Variants in ZNF511 observed in about 807,000 individuals in gnomAD.
The protein encoded by ZNF511 is zinc finger protein 511.
A neutral mutation model predicts 24.8 loss-of-function variants in ZNF511; 26 were observed. The ratio of observed to expected loss-of-function variants is 1.05; its 90% CI spans 0.77 to 1.46. The LOEUF is 1.46. Among genes scored for constraint, ZNF511 ranks in the 40% most tolerant of loss-of-function variants. The pLI, the probability that ZNF511 is intolerant of heterozygous loss-of-function variation, is 0.00. For missense variants in ZNF511, 358 were observed against 345.0 expected (o/e 1.04, Z -0.30); for synonymous variants, 144 against 139.6 (o/e 1.03, Z -0.22).
intron 4 of ZNF511, among the ~76,000 whole-genome samples, chr10:133,311,288 G>A (rs894377097): frequency 6.6e-6 from 1 of 152,120 alleles, no homozygotes; most frequent in Non-Finnish European, 1.5e-5. Context: ...AAAGACTTAC[G>A]TGTAAAGTAA....
intron 2 of ZNF511, 53 bp downstream of exon 2, chr10:133,309,516 C>T: frequency 6.4e-7 from 1 of 1,560,730 alleles, no homozygotes; most frequent in Non-Finnish European, 8.7e-7. Context: ...GCCTCCCTGA[C>T]CGGTGCCTGG....
rs1847945313 is a variant in ZNF511, at chr10:133,309,776, G to A, written c.228G>A (p.Arg76=). The A allele has an allele frequency of 6.2e-7, 1 of 1,612,484 alleles. No homozygotes were observed. Among genetic ancestry groups the A allele is most frequent in the South Asian group, 1.1e-5 (1 of 91,046 alleles). The change falls in exon 3 of 6, where the codon AGG becomes AGA. Residue 76 remains arginine (R), a splice_region_variant and synonymous_variant. Coordinates refer to ENST00000361518, the MANE Select transcript of ZNF511 (RefSeq NM_145806.4). ...CTCCTGAAGCACGTCTCCTTGGCAGGGTGCCCGCGTTTGCCTGCCAGGTGG... is the reference window on the plus strand; with the variant it reads ...CTCCTGAAGCACGTCTCCTTGGCAGAGTGCCCGCGTTTGCCTGCCAGGTGG... ...MQVADVPEKP[R]VPAFACQVAG...
At position 133,311,702 on chromosome 10, in the gene ZNF511, C is replaced by G. The variant is rs191801908; in HGVS notation, c.555-14C>G. On this transcript the variant is annotated splice_polypyrimidine_tract_variant and intron_variant, in intron 4 of 5. Transcript: ENST00000361518. ...AGCCGTGCAGGGCAGTTACTCACTG[C>G]TCTCTCCCCGCAGCCCAGCCTCAGC... is the stretch of plus-strand genomic sequence containing the variant. The G allele has an allele frequency of 1.9e-6, 3 of 1,608,986 alleles. No individual in the cohort carries two copies. The South Asian group carries it at 3.3e-5, about 18-fold the overall frequency.
At chr10:133,311,285 T>C (rs1034033723) in intron 4 of ZNF511, among the ~76,000 whole-genome samples, 2 of 152,198 alleles carry the variant, frequency 1.3e-5, no homozygotes, top group Non-Finnish European at 2.9e-5. Flanking sequence ...TACAAAGACT[T>C]ACGTGTAAAG....
At chr10:133,311,619 C>A (rs1446423823) in intron 4 of ZNF511, 97 bp from the exon 5 acceptor site, 4 of 1,065,106 alleles carry the variant, frequency 3.8e-6, no homozygotes, top group African/African-American at 3.2e-5. Flanking sequence ...ATGCTACTTA[C>A]AGGGAAATCC....
Position 133,309,932 on chromosome 10 carries a change from G to C in ZNF511, c.384G>C (p.Glu128Asp). The C allele has an allele frequency of 6.2e-7, 1 of 1,613,552 alleles. No individual in the cohort carries two copies. The highest frequency in any genetic ancestry group is 8.5e-7 in the Non-Finnish European group (1 of 1,180,034). The change falls in exon 3 of 6, where the codon GAG becomes GAC. Residue 128 changes from glutamate (E) to aspartate (D), a missense_variant. By Grantham distance (45) the Glu-to-Asp change is conservative (BLOSUM62 2). Coordinates refer to ENST00000361518, the MANE Select transcript of ZNF511 (RefSeq NM_145806.4). ...ACCTGCTGGACGCCCACATCCTGGA[G>C]TGGCACGATTCGCTCTTCCAGATCC... ...SGHLLDAHIL[E>D]WHDSLFQILS...
intron 5 of ZNF511, chr10:133,312,206 C>T (rs1016480052): frequency 1.3e-5 from 18 of 1,398,870 alleles, no homozygotes; most frequent in South Asian, 4.7e-5. Context: ...GTGCCGTCTG[C>T]GTTTCTAGCG....
chr10:133,313,127 A>G lies in ZNF511; in HGVS notation c.*261A>G. On this transcript the variant is annotated 3_prime_UTR_variant, in exon 6 of 6. Transcript: ENST00000361518. ...CCTGCAGGGCCCACCCTAAGAATGT[A>G]TTTTTAAACACATGAAATAAGTATT... The G allele has an allele frequency of 1.4e-6, 1 of 710,876 alleles. No homozygotes were observed. The allele number at this position is 710,876 out of a possible 1,614,324, so 44.0% of individuals were successfully genotyped here. A position where few individuals can be genotyped will look rare whatever the true frequency, so the allele number is the denominator to read the frequency against.
At position 133,313,006 on chromosome 10, in the gene ZNF511, C is replaced by T; in HGVS notation, c.*140C>T. 2.0e-6 allele frequency: 3 copies of T among 1,498,524 alleles called. No homozygotes were observed. The highest frequency in any genetic ancestry group is 2.7e-6 in the Non-Finnish European group (3 of 1,128,870). The allele number at this position is 1,498,524 out of a possible 1,614,324, so 92.8% of individuals were successfully genotyped here. On this transcript the variant is annotated 3_prime_UTR_variant, in exon 6 of 6. Coordinates refer to ENST00000361518, the MANE Select transcript of ZNF511 (RefSeq NM_145806.4). ...CCCATCCTTGTTCCTCAGCAAATGG[C>T]ATTAGCAGCTGTCATCAGAAGCTGT...
At chr10:133,312,387 A>G (rs1230967527) in intron 5 of ZNF511, 1 of 1,156,966 alleles carries the variant, frequency 8.6e-7, no homozygotes, top group East Asian at 5.4e-5. Context: ...ATCACCAAAG[A>G]CTCCAAACAG....
rs1053075813 is a variant in ZNF511, at chr10:133,312,961, G to A, written c.*95G>A. On this transcript the variant is annotated 3_prime_UTR_variant, in exon 6 of 6. Transcript: ENST00000361518. ...ACCTTCTGGTGTGGCCGCCCTGGGG[G>A]CCAGGCCCTCGCCATCCTCCCCATC... is the stretch of plus-strand genomic sequence containing the variant. 14 of 1,590,908 alleles carry A rather than the reference G, an allele frequency of 8.8e-6. No homozygotes were observed. The highest frequency in any genetic ancestry group is 1.1e-5 in the South Asian group (1 of 89,554).
chr10:133,311,433 G>A (rs1197813258), intron 4 of ZNF511, among the ~76,000 whole-genome samples: 3 of 152,252 alleles, frequency 2.0e-5, no homozygotes, highest in South Asian at 4.1e-4. Context: ...AAAAAGACCC[G>A]TGGCACCGTT....
At position 133,308,949 on chromosome 10, in the gene ZNF511, GT is replaced by G; in HGVS notation, c.8del (p.Leu3CysfsTer21). MQ[L>X]PPALCARLAA... Reference sequence around the variant, plus strand: ...GCCCGCCCGCGCCCGGGGTGATGCAGTTGCCCCCCGCGCTGTGCGCCCGCCT... The same window carrying G: ...GCCCGCCCGCGCCCGGGGTGATGCAGTGCCCCCCGCGCTGTGCGCCCGCCT... On this transcript the variant is annotated frameshift_variant, in exon 1 of 6. Transcript: ENST00000361518. LOFTEE classifies it high-confidence loss of function. 1 of 1,232,930 alleles carries G rather than the reference GT, an allele frequency of 8.1e-7. No homozygotes were observed. Among genetic ancestry groups the G allele is most frequent in the Non-Finnish European group, 1.0e-6 (1 of 981,722 alleles). 76.4% of individuals were successfully genotyped at this position (1,232,930 alleles called of 1,614,324 possible).
chr10:133,309,939 G>C lies in ZNF511; in HGVS notation c.391G>C (p.Asp131His), dbSNP rs1340359788. The C allele has an allele frequency of 6.2e-7, 1 of 1,613,414 alleles. No homozygotes were observed. The highest frequency in any genetic ancestry group is 2.2e-5 in the East Asian group (1 of 44,888). The change falls in exon 3 of 6, where the codon GAT becomes CAT. Residue 131 changes from aspartate to histidine, a missense_variant. Transcript: ENST00000361518. ...GGACGCCCACATCCTGGAGTGGCACGATTCGCTCTTCCAGATCCTGTCTGA... is the reference window on the plus strand; with the variant it reads ...GGACGCCCACATCCTGGAGTGGCACCATTCGCTCTTCCAGATCCTGTCTGA... ...LLDAHILEWH[D>H]SLFQILSERQ...
chr10:133,309,147 C>T (rs756656647), intron 1 of ZNF511, 51 bp downstream of exon 1: 7 of 1,382,744 alleles, frequency 5.1e-6, no homozygotes, highest in Non-Finnish European at 6.6e-6. Context: ...GTGGGGCCTA[C>T]GGCGGCGAGG....
intron 5 of ZNF511, 183 bp from the exon 6 acceptor site, chr10:133,312,605 C>T (rs918336497): frequency 2.7e-6 from 4 of 1,485,548 alleles, no homozygotes; most frequent in African/African-American, 2.8e-5. Flanking sequence ...TGGCGGGGAC[C>T]CCCCACAGGA....
intron 5 of ZNF511, chr10:133,312,056 C>T (rs1479830224): frequency 1.8e-5 from 26 of 1,478,936 alleles, no homozygotes; most frequent in South Asian, 5.5e-5. Context: ...GCCATTGAAG[C>T]GCAGGAATGC....
At chr10:133,312,623 C>G in intron 5 of ZNF511, 165 bp from the exon 6 acceptor site, 3 of 1,515,252 alleles carry the variant, frequency 2.0e-6, no homozygotes, top group Non-Finnish European at 1.8e-6. Flanking sequence ...GGAACTAGGT[C>G]TCAGGCTGTG....
intron 4 of ZNF511, 28 bp from the exon 5 acceptor site, chr10:133,311,688 G>C: frequency 1.3e-6 from 2 of 1,595,792 alleles, no homozygotes; most frequent in Non-Finnish European, 1.7e-6. Context: ...GCCGTGCAGG[G>C]CAGTTACTCA....
Sources: allele counts gnomAD v4.1 joint callset (sites outside exome capture counted in the v4.1 genomes callset), GRCh38; gene constraint gnomAD v4.1.1; transcripts MANE v1.5; gene names NCBI Gene and HGNC (gene_info 2026-07-23, HGNC 2026-07-21).